ROBO2: variants seen among roughly 807,000 people sequenced by gnomAD.
ROBO2 encodes the protein roundabout guidance receptor 2, also known as roundabout homolog 2.
Under a neutral mutation model 160.8 loss-of-function variants are expected in ROBO2, and 53 were observed. That is an observed-to-expected ratio of 0.33 (90% CI 0.26 to 0.41). The LOEUF (loss-of-function observed/expected upper bound fraction) is 0.41. Among genes scored for constraint, ROBO2 ranks in the 10% least tolerant of loss-of-function variants. ROBO2 has a pLI of 1.00. For synonymous variants in ROBO2, 664 were observed against 611.7 expected, an observed-to-expected ratio of 1.09 and a Z score of -1.26; for missense variants, 1,577 against 1,722.4, an observed-to-expected ratio of 0.92 and a Z score of 1.49.
At chr3:77,093,280 C>T (rs1385021384) in intron 1 of ROBO2, among the ~76,000 whole-genome samples, 1 of 152,102 alleles carries the variant, frequency 6.6e-6, no homozygotes, top group African/African-American at 2.4e-5. Context: ...AGTTGAGGGG[C>T]TCACACTTTA....
chr3:76,746,527 T>G, intron 2 of ROBO2, among the ~76,000 whole-genome samples: 1 of 152,294 alleles, frequency 6.6e-6, no homozygotes, highest in South Asian at 2.1e-4. Flanking sequence ...ATTGCCATTC[T>G]AATTGGTGTG....
At chr3:76,528,456 A>G (rs1438227826) in intron 2 of ROBO2, among the ~76,000 whole-genome samples, 1 of 152,102 alleles carries the variant, frequency 6.6e-6, no homozygotes, top group Non-Finnish European at 1.5e-5. Flanking sequence ...ATTAAATGTG[A>G]TGTCTGAGAG....
chr3:76,757,643 G>C (rs2061054252), intron 2 of ROBO2, among the ~76,000 whole-genome samples: 1 of 151,714 alleles, frequency 6.6e-6, no homozygotes, highest in Non-Finnish European at 1.5e-5. Context: ...AAGCCAGCTA[G>C]AGCGTTGCTT....
chr3:76,431,100 A>G (rs539559094), intron 2 of ROBO2, among the ~76,000 whole-genome samples: 2 of 152,252 alleles, frequency 1.3e-5, no homozygotes, highest in East Asian at 1.9e-4. Flanking sequence ...TTTCTGAGAA[A>G]CTGAAAATGT....
intron 2 of ROBO2, among the ~76,000 whole-genome samples, chr3:76,759,302 T>G (rs1403960594): frequency 2.0e-5 from 3 of 151,824 alleles, no homozygotes; most frequent in Admixed American, 2.0e-4. Flanking sequence ...ATTATACAAC[T>G]CTTAGGTTTG....
intron 2 of ROBO2, among the ~76,000 whole-genome samples, chr3:77,382,808 C>T (rs1169939164): frequency 6.6e-6 from 1 of 152,148 alleles, no homozygotes; most frequent in Non-Finnish European, 1.5e-5. Context: ...TTTTCTTTAT[C>T]CACTCATTAG....
intron 2 of ROBO2, among the ~76,000 whole-genome samples, chr3:76,713,395 G>A (rs1199397146): frequency 6.6e-5 from 10 of 151,932 alleles, no homozygotes; most frequent in Non-Finnish European, 8.8e-5. Flanking sequence ...AAAGATTTTT[G>A]TTGTTATCCT....
At chr3:76,509,699 G>C (rs2080982155) in intron 2 of ROBO2, among the ~76,000 whole-genome samples, 1 of 152,132 alleles carries the variant, frequency 6.6e-6, no homozygotes, top group Admixed American at 6.6e-5. Context: ...CTCCTCACAA[G>C]AATTATTCCA....
At chr3:77,405,059 T>C (rs2076149892) in intron 2 of ROBO2, among the ~76,000 whole-genome samples, 1 of 152,190 alleles carries the variant, frequency 6.6e-6, no homozygotes, top group African/African-American at 2.4e-5. Context: ...ACTATGAGTT[T>C]CTTGGAAGCA....
chr3:76,758,203 G>GA (rs997056761), intron 2 of ROBO2, among the ~76,000 whole-genome samples: 128 of 149,874 alleles, frequency 8.5e-4, no homozygotes, highest in Middle Eastern at 3.4e-3. Flanking sequence ...TTGTTCCATG[G>GA]AAAAAAAAAT....
chr3:76,352,159 T>A (rs1191460544), intron 2 of ROBO2, among the ~76,000 whole-genome samples: 1 of 151,936 alleles, frequency 6.6e-6, no homozygotes, highest in African/African-American at 2.4e-5. Flanking sequence ...CCTCCCCAAG[T>A]TGAGAAGAGG....
At chr3:77,043,430 G>A (rs1365262183) in intron 1 of ROBO2, among the ~76,000 whole-genome samples, 1 of 152,048 alleles carries the variant, frequency 6.6e-6, no homozygotes, top group Non-Finnish European at 1.5e-5. Context: ...ATGAAAAATG[G>A]TAGCGTTTTG....
chr3:77,446,457 C>T (rs547660693), intron 2 of ROBO2, among the ~76,000 whole-genome samples: 20 of 152,200 alleles, frequency 1.3e-4, no homozygotes, highest in African/African-American at 4.6e-4. Flanking sequence ...TTTCTCATTG[C>T]ACCCAAGTGC....
chr3:77,559,043 C>G (rs1337455490), intron 9 of ROBO2, among the ~76,000 whole-genome samples: 1 of 152,058 alleles, frequency 6.6e-6, no homozygotes, highest in Non-Finnish European at 1.5e-5. Context: ...GGCTACTGGA[C>G]TAACAACCTC....
chr3:76,322,183 TATATATATATATA>T (rs2072599508), intron 2 of ROBO2, among the ~76,000 whole-genome samples: 1 of 58,910 alleles, frequency 1.7e-5, no homozygotes, highest in African/African-American at 3.6e-5. Context: ...TATATATATA[TATATATATATATA>T]TATATATAAT....
At chr3:77,363,399 CT>C (rs2070343411) in intron 2 of ROBO2, among the ~76,000 whole-genome samples, 1 of 152,070 alleles carries the variant, frequency 6.6e-6, no homozygotes, top group African/African-American at 2.4e-5. Context: ...TATTGGCAAA[CT>C]TTTTCCATAA....
intron 2 of ROBO2, among the ~76,000 whole-genome samples, chr3:76,805,013 A>G (rs1033857054): frequency 6.6e-5 from 10 of 152,236 alleles, no homozygotes; most frequent in African/African-American, 2.2e-4. Flanking sequence ...CTTTTTTGTG[A>G]TAATCCCAAA....
chr3:77,400,542 G>A (rs1008243368), intron 2 of ROBO2, among the ~76,000 whole-genome samples: 1 of 152,092 alleles, frequency 6.6e-6, no homozygotes, highest in Non-Finnish European at 1.5e-5. Context: ...GTTCGTTTAA[G>A]TGTATAACCG....
At chr3:77,174,165 C>T (rs1228499912) in intron 2 of ROBO2, among the ~76,000 whole-genome samples, 1 of 152,044 alleles carries the variant, frequency 6.6e-6, no homozygotes, top group Non-Finnish European at 1.5e-5. Context: ...AGTAATGACA[C>T]CTTTAAACCA....
Sources: gnomAD v4.1 joint callset for allele counts (sites outside exome capture counted in the v4.1 genomes callset) on GRCh38, gnomAD v4.1.1 for gene constraint, MANE v1.5 for transcripts, NCBI Gene and HGNC (gene_info 2026-07-23, HGNC 2026-07-21) for gene names.